PDZD2: variants seen among roughly 807,000 people sequenced by gnomAD.
PDZD2 encodes PDZ domain-containing protein 2.
PDZD2 carries 90 observed loss-of-function variants against 220.7 expected under a neutral mutation model. The observed-to-expected ratio is 0.41, with a 90% CI of 0.34 to 0.49. PDZD2 has a LOEUF of 0.49. Among genes scored for constraint, PDZD2 ranks in the 20% least tolerant of loss-of-function variants. The pLI, the probability that PDZD2 is intolerant of heterozygous loss-of-function variation, is 0.28. For synonymous variants in PDZD2, 1,375 were observed against 1,450.5 expected (o/e 0.95, Z 1.18); for missense variants, 3,174 against 3,608.5 (o/e 0.88, Z 3.08).
intron 14 of PDZD2, among the ~76,000 whole-genome samples, chr5:32,067,440 G>T (rs559729307): frequency 2.6e-3 from 395 of 152,218 alleles, no homozygotes; most frequent in Non-Finnish European, 4.5e-3. Flanking sequence ...GTGGAGGGGG[G>T]TGTGTGTGTA....
At chr5:31,817,351 G>A (rs1401174010) in intron 2 of PDZD2, among the ~76,000 whole-genome samples, 1 of 151,544 alleles carries the variant, frequency 6.6e-6, no homozygotes, top group Non-Finnish European at 1.5e-5. Context: ...AAAATTAGCC[G>A]GCCGTGGTGG....
chr5:32,000,043 G>A lies in PDZD2; in HGVS notation c.1122-96G>A, dbSNP rs950767834. 63 of 1,051,576 alleles carry A rather than the reference G, an allele frequency of 6.0e-5. No individual in the cohort carries two copies. The highest frequency in any genetic ancestry group is 4.6e-4 in the East Asian group (18 of 39,538). The allele number at this position is 1,051,576 out of a possible 1,614,324, so 65.1% of individuals were successfully genotyped here. A position where few individuals can be genotyped will look rare whatever the true frequency, so the allele number is the denominator to read the frequency against. The stretch of plus-strand genomic sequence containing the variant: ...TATCCTCTTTAGCCCAATCTTAACC[G>A]TCCCTCCTCACAACCCTCCCTAGCT... On this transcript the variant is annotated intron_variant, in intron 4 of 24. Transcript: ENST00000438447. The surrounding 1 kb of genome is among the most constrained non-coding windows in gnomAD (Gnocchi z 4.5).
At chr5:31,990,123 C>T (rs1051675783) in intron 3 of PDZD2, among the ~76,000 whole-genome samples, 5 of 152,308 alleles carry the variant, frequency 3.3e-5, no homozygotes, top group African/African-American at 7.2e-5. Context: ...TTGCAACTAG[C>T]GCCGGAGTAT....
At chr5:31,904,590 C>T (rs990788500) in intron 2 of PDZD2, among the ~76,000 whole-genome samples, 3 of 152,070 alleles carry the variant, frequency 2.0e-5, no homozygotes, top group Admixed American at 6.6e-5. Flanking sequence ...TGCAGTGGCA[C>T]GATCTCGGCT....
chr5:32,076,890 G>GCT (rs1379585808), intron 18 of PDZD2, among the ~76,000 whole-genome samples: 1 of 152,182 alleles, frequency 6.6e-6, no homozygotes, highest in Non-Finnish European at 1.5e-5. Flanking sequence ...TCACCTCTGT[G>GCT]CTCTGCTGCC....
chr5:32,097,258 A>G, intron 21 of PDZD2, 21 bp from the exon 22 acceptor site: 1 of 1,500,452 alleles, frequency 6.7e-7, no homozygotes. Context: ...TCAAAGGATA[A>G]TTTTTGTTTG....
intron 2 of PDZD2, chr5:31,822,872 G>A (rs1755968431): frequency 1.4e-5 from 11 of 788,606 alleles, no homozygotes; most frequent in South Asian, 1.1e-4. Context: ...ATCTTGTAAC[G>A]GAAGCCCAGT....
At chr5:31,801,863 G>A (rs1754412704) in intron 2 of PDZD2, among the ~76,000 whole-genome samples, 1 of 152,138 alleles carries the variant, frequency 6.6e-6, no homozygotes, top group Non-Finnish European at 1.5e-5. Flanking sequence ...GGTTGCTGGA[G>A]TCTTTAGGAG....
intron 14 of PDZD2, among the ~76,000 whole-genome samples, chr5:32,067,818 G>T (rs1464274766): frequency 2.0e-5 from 3 of 152,094 alleles, no homozygotes; most frequent in African/African-American, 4.8e-5. Flanking sequence ...CCATGAATCT[G>T]CCATGATACT....
chr5:31,977,473 C>A (rs1749889194), intron 2 of PDZD2, among the ~76,000 whole-genome samples: 2 of 152,152 alleles, frequency 1.3e-5, no homozygotes, highest in South Asian at 4.1e-4. Flanking sequence ...AAACTCCAGG[C>A]AGCTTTATTC....
chr5:31,861,698 C>T (rs1462723451), intron 2 of PDZD2, among the ~76,000 whole-genome samples: 2 of 152,082 alleles, frequency 1.3e-5, no homozygotes, highest in African/African-American at 4.8e-5. Context: ...AGTTTTCACT[C>T]CCTCCTAGGA....
intron 1 of PDZD2, among the ~76,000 whole-genome samples, chr5:31,766,138 G>A (rs77188597): frequency 0.012 from 1,867 of 152,192 alleles, 33 homozygotes; most frequent in African/African-American, 0.043. Context: ...AGTGATCAGG[G>A]TATTGCACTC....
chr5:32,058,362 T>TAAAAA (rs775748379), intron 12 of PDZD2, among the ~76,000 whole-genome samples: 3 of 131,860 alleles, frequency 2.3e-5, no homozygotes, highest in South Asian at 2.5e-4. Flanking sequence ...GGCTTGTGTT[T>TAAAAA]AAAAAAAAAA....
chr5:31,989,643 C>T (rs770510906), intron 3 of PDZD2, among the ~76,000 whole-genome samples: 2 of 152,038 alleles, frequency 1.3e-5, no homozygotes, highest in Admixed American at 6.5e-5. Flanking sequence ...AGGCTGGCCT[C>T]GAGCTCCTGA....
intron 2 of PDZD2, among the ~76,000 whole-genome samples, chr5:31,958,240 A>G (rs958409149): frequency 8.7e-5 from 12 of 137,252 alleles, no homozygotes; most frequent in African/African-American, 3.1e-4. Flanking sequence ...AATTATCTTG[A>G]TATTTTTGTT....
intron 2 of PDZD2, chr5:31,840,889 T>C (rs1757262276): frequency 4.8e-6 from 3 of 629,856 alleles, no homozygotes; most frequent in African/African-American, 1.8e-5. Context: ...CACATATACA[T>C]GGACAAAGGA....
chr5:31,970,395 C>G (rs894582997), intron 2 of PDZD2, among the ~76,000 whole-genome samples: 1 of 152,084 alleles, frequency 6.6e-6, no homozygotes, highest in African/African-American at 2.4e-5. Context: ...GTGGCTCCCG[C>G]TGGTAATCCC....
At chr5:31,936,744 G>A (rs905777204) in intron 2 of PDZD2, among the ~76,000 whole-genome samples, 4 of 152,200 alleles carry the variant, frequency 2.6e-5, no homozygotes, top group African/African-American at 9.7e-5. Flanking sequence ...ATATTTCAGA[G>A]CCAACGAGGT....
intron 2 of PDZD2, among the ~76,000 whole-genome samples, chr5:31,949,412 G>A (rs1241658412): frequency 6.6e-6 from 1 of 152,162 alleles, no homozygotes; most frequent in East Asian, 1.9e-4. Context: ...AAGCAGGAAA[G>A]AAATTTAGTG....
Sources: allele counts gnomAD v4.1 joint callset (sites outside exome capture counted in the v4.1 genomes callset), GRCh38; gene constraint gnomAD v4.1.1; non-coding constraint Gnocchi (gnomAD v3.1); transcripts MANE v1.5; gene names NCBI Gene and HGNC (gene_info 2026-07-23, HGNC 2026-07-21).